The following TANGO6 variants were observed in gnomAD, a reference collection of about 807,000 sequenced individuals.
TANGO6 encodes the protein transport and Golgi organization protein 6 homolog.
TANGO6 carries 90 observed loss-of-function variants against 114.2 expected under a neutral mutation model. The ratio of observed to expected loss-of-function variants is 0.79; its 90% CI spans 0.66 to 0.94. The LOEUF is 0.94. TANGO6 is among the 40% of genes least tolerant of loss of function. The pLI, the probability that TANGO6 is intolerant of heterozygous loss-of-function variation, is 0.00. For synonymous variants in TANGO6, 477 were observed against 509.8 expected, an observed-to-expected ratio of 0.94 and a Z score of 0.87; for missense variants, 1,274 against 1,315.3, an observed-to-expected ratio of 0.97 and a Z score of 0.49.
chr16:68,882,508 A>G (rs1183549564), intron 7 of TANGO6, among the ~76,000 whole-genome samples: 2 of 151,906 alleles, frequency 1.3e-5, no homozygotes, highest in East Asian at 3.9e-4. Flanking sequence ...AAAAAAAAAA[A>G]AGAAAACGTG....
chr16:68,866,283 A>T (rs971805047), intron 3 of TANGO6, among the ~76,000 whole-genome samples: 2 of 151,950 alleles, frequency 1.3e-5, no homozygotes, highest in Non-Finnish European at 2.9e-5. Context: ...GCTCTTTTGA[A>T]GTCTGTATAG....
At chr16:68,885,713 G>C (rs1294965205) in intron 7 of TANGO6, 1 of 152,232 alleles carries the variant, frequency 6.6e-6, no homozygotes, top group Admixed American at 6.5e-5. Context: ...GCATGAAGCA[G>C]TACTTCAGTC....
intron 14 of TANGO6, among the ~76,000 whole-genome samples, chr16:68,933,261 A>T (rs1963265445): frequency 6.6e-6 from 1 of 152,170 alleles, no homozygotes. Context: ...CTAAAAATAC[A>T]AAAATTAGCC....
intron 17 of TANGO6, among the ~76,000 whole-genome samples, chr16:69,072,665 G>C (rs1256600500): frequency 6.6e-6 from 1 of 152,116 alleles, no homozygotes; most frequent in Non-Finnish European, 1.5e-5. Context: ...GGGTTGCTAA[G>C]ATAGACCCAT....
At chr16:68,971,725 G>A (rs1475498192) in intron 14 of TANGO6, among the ~76,000 whole-genome samples, 5 of 150,898 alleles carry the variant, frequency 3.3e-5, no homozygotes, top group African/African-American at 1.2e-4. Flanking sequence ...TCTTCCTCTG[G>A]GGTTCAAGCG....
In TANGO6 at chr16:69,023,125, C is replaced by T. The variant is rs1959440551; in HGVS notation, c.2994+146C>T. On this transcript the variant is annotated intron_variant, in intron 16 of 17. Coordinates refer to ENST00000261778, the MANE Select transcript of TANGO6 (RefSeq NM_024562.2). ...ACAGGGCAAGTGAGCCATTGAACTT[C>T]CCAAGGCTTCATCTGTCTCACATGT... is the stretch of plus-strand genomic sequence containing the variant. 7.3e-6 allele frequency: 6 copies of T among 824,144 alleles called. No homozygotes were observed. The East Asian group carries it at 1.8e-4, about 24-fold the overall frequency. 51.1% of individuals were successfully genotyped at this position (824,144 alleles called of 1,614,324 possible). A position where few individuals can be genotyped will look rare whatever the true frequency, so the allele number is the denominator to read the frequency against.
chr16:68,925,232 C>T (rs1387126415), intron 12 of TANGO6, among the ~76,000 whole-genome samples: 1 of 152,106 alleles, frequency 6.6e-6, no homozygotes, highest in Non-Finnish European at 1.5e-5. Flanking sequence ...ATCGCTTGAA[C>T]CTGGGAGGTG....
intron 14 of TANGO6, among the ~76,000 whole-genome samples, chr16:68,932,235 C>A (rs1382537173): frequency 6.6e-6 from 1 of 152,106 alleles, no homozygotes; most frequent in Admixed American, 6.6e-5. Context: ...GGATTACAGG[C>A]ATGTGCCACC....
chr16:68,909,013 A>G (rs1962888056), intron 10 of TANGO6, among the ~76,000 whole-genome samples, 198 bp from the exon 11 acceptor site: 1 of 152,234 alleles, frequency 6.6e-6, no homozygotes. Flanking sequence ...CTGCTGTGAT[A>G]CAATAAATAC....
intron 15 of TANGO6, among the ~76,000 whole-genome samples, chr16:68,995,688 T>C (rs1175265270): frequency 2.0e-5 from 3 of 152,202 alleles, no homozygotes; most frequent in African/African-American, 7.2e-5. Flanking sequence ...CTGGAACTTA[T>C]TTCCATTGTA....
intron 16 of TANGO6, among the ~76,000 whole-genome samples, chr16:69,030,768 AGGG>A (rs1959580714): frequency 2.6e-5 from 4 of 151,932 alleles, no homozygotes; most frequent in Non-Finnish European, 4.4e-5. Context: ...AAAACAGGTG[AGGG>A]CCGGGCGCGG....
At chr16:69,057,673 A>G (rs1960053618) in intron 17 of TANGO6, among the ~76,000 whole-genome samples, 1 of 152,160 alleles carries the variant, frequency 6.6e-6, no homozygotes, top group East Asian at 1.9e-4. Context: ...TTCCAATCCC[A>G]GAAACCATGA....
intron 15 of TANGO6, among the ~76,000 whole-genome samples, chr16:68,982,999 G>A (rs1365819331): frequency 6.6e-6 from 1 of 151,608 alleles, no homozygotes; most frequent in Non-Finnish European, 1.5e-5. Flanking sequence ...GGAAGCCTCA[G>A]ATTTGCAGGT....
intron 12 of TANGO6, among the ~76,000 whole-genome samples, chr16:68,921,234 A>G (rs1430194595): frequency 1.3e-5 from 2 of 150,446 alleles, no homozygotes; most frequent in Admixed American, 6.6e-5. Context: ...CCAGACTGGA[A>G]TGCAGTGGCA....
Position 69,013,434 on chromosome 16 carries a change from G to A in TANGO6, c.2843-9394G>A, listed in dbSNP as rs1368556810. ...AGTTTGAGACAAGACTGGGCAACAT[G>A]GCAAAACCCCTTCTCTACAAAAATA... is the stretch of plus-strand genomic sequence containing the variant. On this transcript the variant is annotated intron_variant, in intron 15 of 17. Transcript: ENST00000261778. Among the ~76,000 whole-genome samples the A allele has an allele frequency of 4.6e-5, 7 of 152,036 alleles. No individual in the cohort carries two copies. The South Asian group carries it at 1.3e-3, about 27-fold the overall frequency.
chr16:69,021,284 G>C (rs568798910), intron 15 of TANGO6, among the ~76,000 whole-genome samples: 1 of 151,962 alleles, frequency 6.6e-6, no homozygotes, highest in Non-Finnish European at 1.5e-5. Context: ...TCCTCTACAG[G>C]TTTTTACACT....
intron 15 of TANGO6, among the ~76,000 whole-genome samples, chr16:68,989,795 A>G (rs1328587026): frequency 6.6e-6 from 1 of 152,166 alleles, no homozygotes; most frequent in Non-Finnish European, 1.5e-5. Context: ...AAACTTTGTC[A>G]TGCCTGTGGT....
intron 15 of TANGO6, among the ~76,000 whole-genome samples, chr16:69,022,582 T>G (rs1379745525): frequency 6.6e-6 from 1 of 151,994 alleles, no homozygotes; most frequent in Non-Finnish European, 1.5e-5. Context: ...CATGCACCTG[T>G]AGTCCCAACT....
chr16:68,986,224 T>TC (rs1226955425), intron 15 of TANGO6, among the ~76,000 whole-genome samples: 1 of 152,198 alleles, frequency 6.6e-6, no homozygotes, highest in African/African-American at 2.4e-5. Context: ...TTCATGTTGC[T>TC]CCATCTGAAG....
Sources: gnomAD v4.1 joint callset for allele counts (sites outside exome capture counted in the v4.1 genomes callset) on GRCh38, gnomAD v4.1.1 for gene constraint, MANE v1.5 for transcripts, NCBI Gene and HGNC (gene_info 2026-07-23, HGNC 2026-07-21) for gene names.